The following MED12L variants were observed in gnomAD, a reference collection of about 807,000 sequenced individuals.
MED12L encodes the protein mediator of RNA polymerase II transcription subunit 12-like protein.
Under a neutral mutation model 281.3 loss-of-function variants are expected in MED12L, and 60 were observed. The ratio of observed to expected loss-of-function variants is 0.21; its 90% confidence interval spans 0.17 to 0.26. MED12L has a LOEUF of 0.26. Ranked by LOEUF, MED12L falls within the 10% of genes least tolerant of loss-of-function variation. The pLI is 1.00. For synonymous variants in MED12L, 974 were observed against 987.2 expected (o/e 0.99, Z 0.25); for missense variants, 2,146 against 2,680.9 (o/e 0.80, Z 4.41).
intron 16 of MED12L, among the ~76,000 whole-genome samples, chr3:151,349,227 G>A (rs1262723013): frequency 6.6e-6 from 1 of 151,626 alleles, no homozygotes; most frequent in Non-Finnish European, 1.5e-5. Context: ...TCGTTATGCT[G>A]TGACTAAATT....
intron 16 of MED12L, among the ~76,000 whole-genome samples, chr3:151,211,823 T>G (rs1417940091): frequency 3.3e-5 from 5 of 152,220 alleles, no homozygotes; most frequent in Non-Finnish European, 7.3e-5. Flanking sequence ...AATTATATTT[T>G]TTTGTAGAGA....
chr3:151,122,347 T>G (rs992327741), intron 3 of MED12L, among the ~76,000 whole-genome samples: 4 of 152,192 alleles, frequency 2.6e-5, no homozygotes, highest in Non-Finnish European at 5.9e-5. Context: ...TTTCCAAAAA[T>G]AAGTGCTATT....
Position 151,411,455 on chromosome 3 carries a change from T to G in MED12L, c.6088T>G (p.Tyr2030Asp), listed in dbSNP as rs1393776947. 2 of 1,614,052 alleles carry G rather than the reference T, an allele frequency of 1.2e-6. No individual in the cohort carries two copies. Among genetic ancestry groups the G allele is most frequent in the Admixed American group, 3.3e-5 (2 of 60,010 alleles). The change falls in exon 41 of 45, where the codon TAT becomes GAT. Residue 2030 changes from tyrosine to aspartate, a missense_variant. By Grantham distance (160) the Tyr-to-Asp change is radical (BLOSUM62 -3). This residue lies in a region of MED12L where 496 missense variants were observed against 512.0 expected (regional missense o/e 0.97). Coordinates refer to ENST00000687756, the MANE Select transcript of MED12L (RefSeq NM_001393769.1). ...ACAGATTCAGCAGCAGCCGAGTGGC[T>G]ATGTTCAGCAGCAGGCCTCGCCGTA... ...LRQIQQQPSG[Y>D]VQQQASPYLQ...
intron 16 of MED12L, among the ~76,000 whole-genome samples, chr3:151,251,008 TTGA>T (rs1394617455): frequency 6.6e-6 from 1 of 152,228 alleles, no homozygotes; most frequent in Non-Finnish European, 1.5e-5. Flanking sequence ...AAGGCAGCTT[TTGA>T]TGATGATTCT....
chr3:151,385,225 T>C (rs757668448), intron 36 of MED12L, 34 bp downstream of exon 36: 4 of 1,050,562 alleles, frequency 3.8e-6, no homozygotes, highest in Non-Finnish European at 5.6e-6. Context: ...TATATAAATT[T>C]ATTTACAAAA....
At chr3:151,427,716 T>C (rs1462587992) in intron 43 of MED12L, among the ~76,000 whole-genome samples, 1 of 152,250 alleles carries the variant, frequency 6.6e-6, no homozygotes, top group East Asian at 1.9e-4. Flanking sequence ...TTTTCAATCA[T>C]GGATAGGCTT....
chr3:151,095,933 A>G (rs1720655124), intron 2 of MED12L, among the ~76,000 whole-genome samples: 1 of 152,164 alleles, frequency 6.6e-6, no homozygotes, highest in Non-Finnish European at 1.5e-5. Context: ...TAAGCATATA[A>G]CTTAACTCTG....
intron 8 of MED12L, among the ~76,000 whole-genome samples, chr3:151,163,595 G>A (rs1005791212): frequency 1.3e-5 from 2 of 151,934 alleles, no homozygotes; most frequent in South Asian, 2.1e-4. Context: ...TTTAAGTGAC[G>A]ATTTTTAAGT....
intron 38 of MED12L, among the ~76,000 whole-genome samples, chr3:151,393,042 G>GT (rs763972918): frequency 1.5e-4 from 23 of 152,212 alleles, no homozygotes; most frequent in Admixed American, 3.9e-4. Flanking sequence ...TTGATCTTCT[G>GT]TTTTTTTCCA....
At chr3:151,350,658 C>G (rs1180712746) in intron 17 of MED12L, among the ~76,000 whole-genome samples, 1 of 152,114 alleles carries the variant, frequency 6.6e-6, no homozygotes, top group East Asian at 1.9e-4. Context: ...AAAATCATGA[C>G]AGCATATTTG....
chr3:151,248,822 T>C (rs1236724447), intron 16 of MED12L: 1 of 152,152 alleles, frequency 6.6e-6, no homozygotes, highest in Non-Finnish European at 1.5e-5. Flanking sequence ...ATCACAAATA[T>C]TATTTAACTG....
At chr3:151,151,907 G>C (rs1009702125) in intron 5 of MED12L, among the ~76,000 whole-genome samples, 2 of 152,054 alleles carry the variant, frequency 1.3e-5, no homozygotes, top group Non-Finnish European at 2.9e-5. Context: ...GTAAGGCAAA[G>C]TGCAATAAAA....
At chr3:151,141,187 G>GTTTTTTTTTTTTGTTTTT (rs1716943585) in intron 5 of MED12L, among the ~76,000 whole-genome samples, 1 of 99,108 alleles carries the variant, frequency 1.0e-5, no homozygotes, top group African/African-American at 4.8e-5. Flanking sequence ...TGTTTTTTTT[G>GTTTTTTTTTTTTGTTTTT]TTTTTTTTTT....
intron 16 of MED12L, among the ~76,000 whole-genome samples, chr3:151,197,542 C>G (rs10513387): frequency 0.097 from 14,750 of 152,196 alleles, 970 homozygotes; most frequent in Middle Eastern, 0.17. Context: ...GTGCTACATT[C>G]CTAACACGGC....
At chr3:151,160,237 A>C (rs1719812338) in intron 8 of MED12L, 136 bp downstream of exon 8, 1 of 818,296 alleles carries the variant, frequency 1.2e-6, no homozygotes, top group Non-Finnish European at 1.9e-6. Flanking sequence ...TATTGATTGA[A>C]ATTTTATGTT....
At chr3:151,190,257 C>T (rs967906592) in intron 13 of MED12L, among the ~76,000 whole-genome samples, 6 of 151,790 alleles carry the variant, frequency 4.0e-5, no homozygotes, top group Admixed American at 1.3e-4. Context: ...CTGCAACCTC[C>T]GCCTCCCGGG....
At chr3:151,384,582 C>G (rs759077792) in intron 35 of MED12L, 1 of 191,898 alleles carries the variant, frequency 5.2e-6, no homozygotes, top group Non-Finnish European at 1.1e-5. Flanking sequence ...TAAATCGATT[C>G]ATTTGACCGA....
chr3:151,101,542 A>G (rs1721393679), intron 2 of MED12L, among the ~76,000 whole-genome samples: 2 of 152,146 alleles, frequency 1.3e-5, no homozygotes, highest in South Asian at 2.1e-4. Context: ...GGCTGGATAC[A>G]TGGAGGATAC....
chr3:151,259,018 G>A (rs990137330), intron 16 of MED12L, among the ~76,000 whole-genome samples: 5 of 152,202 alleles, frequency 3.3e-5, no homozygotes, highest in Non-Finnish European at 5.9e-5. Context: ...TATGTAATAT[G>A]TATGTATTTA....
Sources: allele counts gnomAD v4.1 joint callset (sites outside exome capture counted in the v4.1 genomes callset), GRCh38; gene constraint gnomAD v4.1.1; regional missense constraint gnomAD v4.1.1; transcripts MANE v1.5; gene names NCBI Gene and HGNC (gene_info 2026-07-23, HGNC 2026-07-21).